The following FANCI variants were observed in gnomAD, a reference collection of about 807,000 sequenced individuals.
FANCI encodes the protein FA complementation group I, also known as Fanconi anemia group I protein.
A neutral mutation model predicts 176.1 loss-of-function variants in FANCI; 156 were observed. The ratio of observed to expected loss-of-function variants is 0.89; its 90% CI spans 0.78 to 1.01. FANCI has a LOEUF of 1.01. Among genes scored for constraint, FANCI ranks in the 50% least tolerant of loss-of-function variants. The pLI is 0.00. For synonymous variants in FANCI, 613 were observed against 541.7 expected (o/e 1.13, Z -1.83); for missense variants, 1,678 against 1,534.1 (o/e 1.09, Z -1.57).
At position 89,293,583 on chromosome 15, in the gene FANCI, G is replaced by C. The variant is rs575826750; in HGVS notation, c.2292-250G>C. On this transcript the variant is annotated intron_variant, in intron 22 of 37. Coordinates refer to ENST00000310775, the MANE Select transcript of FANCI (RefSeq NM_001113378.2). ...GGGACCTGTAGTCCTAGCTACTCGG[G>C]AGGCTGAGGCAGGGGAATCACTTGA... Among the ~76,000 whole-genome samples, 25 of 152,274 alleles carry C rather than the reference G, an allele frequency of 1.6e-4. No individual in the cohort carries two copies. In the East Asian group the frequency reaches 4.6e-3, roughly 28 times the overall value.
intron 34 of FANCI, among the ~76,000 whole-genome samples, chr15:89,311,910 C>A (rs2054979748): frequency 6.6e-6 from 1 of 152,130 alleles, no homozygotes; most frequent in African/African-American, 2.4e-5. Context: ...GTTTTTCTCC[C>A]CAGTCTCTCC....
Position 89,263,937 on chromosome 15 carries a change from G to A in FANCI, c.580G>A (p.Val194Met). 2 of 1,614,068 alleles carry A rather than the reference G, an allele frequency of 1.2e-6. No individual in the cohort carries two copies. The highest frequency in any genetic ancestry group is 1.7e-6 in the Non-Finnish European group (2 of 1,179,948). The stretch of plus-strand genomic sequence containing the variant: ...TCTGACTGCAGAAGAGGTGGAATTT[G>A]TGGTGGAAAAAGCATTGAGCATGTT... ...VPLTAEEVEF[V>M]VEKALSMFSK... is the part of the protein sequence containing the mutation. The change falls in exon 8 of 38, where the codon GTG (valine) becomes ATG (methionine). Residue 194 changes from valine to methionine, a missense_variant. Physicochemically the swap from Val to Met is conservative, Grantham distance 21. This residue lies in a region of FANCI where 469 missense variants were observed against 436.9 expected (regional missense o/e 1.07). Coordinates refer to ENST00000310775, the MANE Select transcript of FANCI (RefSeq NM_001113378.2).
At chr15:89,281,868 G>A (rs1170271581) in intron 16 of FANCI, 33 bp downstream of exon 16, 17 of 1,581,310 alleles carry the variant, frequency 1.1e-5, no homozygotes, top group African/African-American at 5.4e-5. Flanking sequence ...ATAGGAAGAC[G>A]TTGTCTTCTA....
At position 89,263,915 on chromosome 15, in the gene FANCI, G is replaced by C. The variant is rs746658213; in HGVS notation, c.558G>C (p.Leu186=). ...QLTSMFKDVP[L]TAEEVEFVVE... is the part of the protein sequence containing the mutation. ...CTTTGATCCACAGGGATGTCCCTCT[G>C]ACTGCAGAAGAGGTGGAATTTGTGG... is the stretch of plus-strand genomic sequence containing the variant. Residue 186 remains leucine, a synonymous_variant, in exon 8 of 38, where the codon CTG becomes CTC. Transcript: ENST00000310775. The C allele has an allele frequency of 6.2e-7, 1 of 1,614,088 alleles. No homozygotes were observed. The highest frequency in any genetic ancestry group is 1.3e-5 in the African/African-American group (1 of 75,064).
Position 89,278,775 on chromosome 15 carries a change from G to T in FANCI, c.1381+1G>T. 2 of 1,609,064 alleles carry T rather than the reference G, an allele frequency of 1.2e-6. No individual in the cohort carries two copies. The highest frequency in any genetic ancestry group is 2.2e-5 in the South Asian group (2 of 91,014). Reference sequence around the variant, plus strand: ...TCTTCTCCCATCAGTCATTTCTTAGGTATTCAACTTTGAAAGAATGAATAA... The same window carrying T: ...TCTTCTCCCATCAGTCATTTCTTAGTTATTCAACTTTGAAAGAATGAATAA... On this transcript the variant is annotated splice_donor_variant, in intron 14 of 37. Coordinates refer to ENST00000310775, the MANE Select transcript of FANCI (RefSeq NM_001113378.2). LOFTEE classifies it high-confidence loss of function.
At chr15:89,299,612 T>C (rs2054451515) in intron 24 of FANCI, among the ~76,000 whole-genome samples, 188 bp from the exon 25 acceptor site, 1 of 152,196 alleles carries the variant, frequency 6.6e-6, no homozygotes, top group South Asian at 2.1e-4. Context: ...GAGGAGAGAA[T>C]TGACTATCAG....
intron 18 of FANCI, among the ~76,000 whole-genome samples, chr15:89,288,558 T>C (rs1295975585): frequency 6.6e-6 from 1 of 152,014 alleles, no homozygotes; most frequent in Non-Finnish European, 1.5e-5. Flanking sequence ...CCTTTTACAC[T>C]TAAATAATAA....
intron 36 of FANCI, among the ~76,000 whole-genome samples, chr15:89,315,007 C>G (rs947585304): frequency 6.6e-6 from 1 of 152,030 alleles, no homozygotes; most frequent in Non-Finnish European, 1.5e-5. Flanking sequence ...TGGGGTCTCA[C>G]TATGCTGCCC....
chr15:89,313,233 A>G (rs2055040047), intron 35 of FANCI, among the ~76,000 whole-genome samples: 3 of 152,070 alleles, frequency 2.0e-5, no homozygotes, highest in South Asian at 2.1e-4. Flanking sequence ...ATTGACTGTG[A>G]TGATGGTTGC....
rs1442087126 is a variant in FANCI, at chr15:89,295,124, T to C, written c.2636+30T>C. 5.8e-6 allele frequency: 9 copies of C among 1,546,334 alleles called. No individual in the cohort carries two copies. In the Admixed American group the frequency reaches 6.1e-5, roughly 10 times the overall value. On this transcript the variant is annotated intron_variant, in intron 24 of 37. Transcript: ENST00000310775. Reference sequence around the variant, plus strand: ...GCCACTCCCACCCCTTAGAAACTTATTCCACTTGGCTGTGGTGTCTCCAAG... The same window carrying C: ...GCCACTCCCACCCCTTAGAAACTTACTCCACTTGGCTGTGGTGTCTCCAAG...
At chr15:89,290,184 G>A (rs754313702) in intron 18 of FANCI, 29 bp from the exon 19 acceptor site, 6 of 1,559,312 alleles carry the variant, frequency 3.8e-6, no homozygotes, top group South Asian at 1.1e-5. Flanking sequence ...CTGTTAAAGT[G>A]CTTATTTCTT....
intron 14 of FANCI, among the ~76,000 whole-genome samples, chr15:89,280,802 T>C (rs1181639818): frequency 6.6e-6 from 1 of 152,240 alleles, no homozygotes; most frequent in Non-Finnish European, 1.5e-5. Flanking sequence ...TTTATACTTT[T>C]ATGTTCCTAA....
chr15:89,296,654 T>C (rs1036058012), intron 24 of FANCI, among the ~76,000 whole-genome samples: 1 of 152,150 alleles, frequency 6.6e-6, no homozygotes, highest in Non-Finnish European at 1.5e-5. Context: ...TTTCCCCCCT[T>C]TCTATTCCAC....
intron 36 of FANCI, among the ~76,000 whole-genome samples, 200 bp downstream of exon 36, chr15:89,314,907 T>C (rs530878168): frequency 1.4e-5 from 2 of 138,026 alleles, no homozygotes; most frequent in Non-Finnish European, 1.5e-5. Context: ...CACATTCAAG[T>C]GATCCTCTGG....
chr15:89,316,599 TAGAAG>T lies in FANCI; in HGVS notation c.*141_*145del. ...CACTGAATTCAACTGCACCTTCAGTTAGAAGGAATCTTCTTGGCAGGTCCTGCTAC... is the reference window on the plus strand; with the variant it reads ...CACTGAATTCAACTGCACCTTCAGTTGAATCTTCTTGGCAGGTCCTGCTAC... On this transcript the variant is annotated 3_prime_UTR_variant, in exon 38 of 38. Transcript: ENST00000310775. 9.0e-7 allele frequency: 1 copy of T among 1,107,854 alleles called. No homozygotes were observed. The highest frequency in any genetic ancestry group is 1.4e-6 in the Non-Finnish European group (1 of 737,772). 68.6% of individuals were successfully genotyped at this position (1,107,854 alleles called of 1,614,324 possible). A position where few individuals can be genotyped will look rare whatever the true frequency, so the allele number is the denominator to read the frequency against.
At chr15:89,279,223 T>C (rs1268450340) in intron 14 of FANCI, among the ~76,000 whole-genome samples, 3 of 152,190 alleles carry the variant, frequency 2.0e-5, no homozygotes, top group Non-Finnish European at 4.4e-5. Context: ...AGTGGCGCAA[T>C]CTCAGCTCAC....
chr15:89,266,438 C>G (rs1469718669), intron 9 of FANCI, among the ~76,000 whole-genome samples: 1 of 151,462 alleles, frequency 6.6e-6, no homozygotes, highest in Non-Finnish European at 1.5e-5. Flanking sequence ...AAGCGATCCT[C>G]CTGCCTCAGC....
At chr15:89,289,672 C>T (rs1025140870) in intron 18 of FANCI, among the ~76,000 whole-genome samples, 1 of 151,766 alleles carries the variant, frequency 6.6e-6, no homozygotes, top group Non-Finnish European at 1.5e-5. Flanking sequence ...CACAGATGAA[C>T]TGTATAACCT....
chr15:89,278,885 T>A (rs2053504500), intron 14 of FANCI, 111 bp downstream of exon 14: 2 of 765,352 alleles, frequency 2.6e-6, no homozygotes, highest in Non-Finnish European at 4.5e-6. Context: ...TGCAGTATCT[T>A]TGATAGGATG....
Sources: allele counts gnomAD v4.1 joint callset (sites outside exome capture counted in the v4.1 genomes callset), GRCh38; gene constraint gnomAD v4.1.1; regional missense constraint gnomAD v4.1.1; transcripts MANE v1.5; gene names NCBI Gene and HGNC (gene_info 2026-07-23, HGNC 2026-07-21).